Variants in MARK1 observed in about 807,000 individuals in gnomAD.
The protein encoded by MARK1 is microtubule affinity regulating kinase 1.
A neutral mutation model predicts 96.3 loss-of-function variants in MARK1; 40 were observed. The ratio of observed to expected loss-of-function variants is 0.42; its 90% CI spans 0.32 to 0.54. MARK1 has a LOEUF of 0.54. Ranked by LOEUF, MARK1 falls within the 20% of genes least tolerant of loss-of-function variation. The probability of loss-of-function intolerance (pLI) is 0.16; values close to 1 mark genes in which losing one functional copy is unlikely to be tolerated. For missense variants in MARK1, 719 were observed against 984.6 expected, an observed-to-expected ratio of 0.73 and a Z score of 3.61; for synonymous variants, 317 against 341.2, an observed-to-expected ratio of 0.93 and a Z score of 0.78.
chr1:220,606,445 T>A (rs958080983), intron 6 of MARK1, among the ~76,000 whole-genome samples: 3 of 152,216 alleles, frequency 2.0e-5, no homozygotes, highest in Non-Finnish European at 2.9e-5. Context: ...GATGGGTAGA[T>A]TGCAAAACTT....
intron 10 of MARK1, among the ~76,000 whole-genome samples, chr1:220,631,372 A>G (rs1463206692): frequency 1.3e-5 from 2 of 152,252 alleles, no homozygotes; most frequent in African/African-American, 2.4e-5. Flanking sequence ...CCTAATGTAA[A>G]TAAATCGAAT....
chr1:220,583,296 T>C (rs1664370979), intron 3 of MARK1, among the ~76,000 whole-genome samples: 1 of 152,218 alleles, frequency 6.6e-6, no homozygotes, highest in East Asian at 1.9e-4. Context: ...TATCCTCTTC[T>C]GTGTATCAGA....
At chr1:220,597,417 T>C (rs1665444366) in intron 3 of MARK1, among the ~76,000 whole-genome samples, 1 of 152,190 alleles carries the variant, frequency 6.6e-6, no homozygotes, top group Admixed American at 6.5e-5. Flanking sequence ...TGTTTTTTGA[T>C]AGCAGTCATC....
chr1:220,633,472 T>C (rs1667782614), intron 11 of MARK1, among the ~76,000 whole-genome samples: 1 of 152,164 alleles, frequency 6.6e-6, no homozygotes, highest in Non-Finnish European at 1.5e-5. Flanking sequence ...TATTGAACCT[T>C]TATTGTACCA....
intron 16 of MARK1, among the ~76,000 whole-genome samples, chr1:220,655,693 G>T (rs1457195274): frequency 6.6e-6 from 1 of 152,044 alleles, no homozygotes; most frequent in Non-Finnish European, 1.5e-5. Context: ...TTCCTCATAG[G>T]TCTCCTAGTT....
intron 1 of MARK1, among the ~76,000 whole-genome samples, chr1:220,542,694 G>C (rs1359653974): frequency 6.6e-6 from 1 of 152,094 alleles, no homozygotes; most frequent in East Asian, 1.9e-4. Context: ...GCTGTTGTTT[G>C]TTGATTTGTT....
chr1:220,533,370 C>CT (rs143742518), intron 1 of MARK1, among the ~76,000 whole-genome samples: 8,458 of 149,286 alleles, frequency 0.057, 695 homozygotes, highest in African/African-American at 0.19. Flanking sequence ...ATTATTACGT[C>CT]TTTTTTTTTT....
intron 1 of MARK1, among the ~76,000 whole-genome samples, chr1:220,558,466 C>T (rs1662441486): frequency 6.6e-6 from 1 of 151,410 alleles, no homozygotes; most frequent in South Asian, 2.1e-4. Context: ...TGTGTAAAAA[C>T]TAGTAAAACA....
chr1:220,630,442 T>C (rs1166899825), intron 9 of MARK1, among the ~76,000 whole-genome samples: 1 of 152,138 alleles, frequency 6.6e-6, no homozygotes, highest in African/African-American at 2.4e-5. Context: ...CTGTCTGTTA[T>C]TTCACAGCCT....
At chr1:220,541,731 CTT>C (rs571170480) in intron 1 of MARK1, among the ~76,000 whole-genome samples, 9 of 152,174 alleles carry the variant, frequency 5.9e-5, no homozygotes, top group Non-Finnish European at 1.3e-4. Context: ...CCTCTGCTCT[CTT>C]TTGGTTATTT....
chr1:220,636,827 C>G (rs1034903170), intron 13 of MARK1, among the ~76,000 whole-genome samples: 2 of 151,404 alleles, frequency 1.3e-5, no homozygotes. Context: ...AGCTTGAACC[C>G]GGGAGGTGGA....
At position 220,528,795 on chromosome 1, in the gene MARK1, C is replaced by A. The variant is rs1384185996; in HGVS notation, c.-28C>A. 3.2e-6 allele frequency: 5 copies of A among 1,546,136 alleles called. No homozygotes were observed. The highest frequency in any genetic ancestry group is 2.6e-6 in the Non-Finnish European group (3 of 1,144,868). ...CGCACCACAGCCCGGCCGGCGAGAC[C>A]CCGGCCAGACCCCGCTGCCCGCACA... On this transcript the variant is annotated 5_prime_UTR_variant, in exon 1 of 18. Transcript: ENST00000366917.
At chr1:220,590,838 CT>C (rs1312909780) in intron 3 of MARK1, among the ~76,000 whole-genome samples, 8 of 152,146 alleles carry the variant, frequency 5.3e-5, no homozygotes, top group African/African-American at 1.9e-4. Flanking sequence ...TTTCTCTCTC[CT>C]TGTCCAAAGC....
chr1:220,602,414 C>G (rs535858102), intron 5 of MARK1, among the ~76,000 whole-genome samples: 1 of 152,136 alleles, frequency 6.6e-6, no homozygotes, highest in East Asian at 1.9e-4. Flanking sequence ...AGACAAAGTC[C>G]CTACCCTCAA....
At chr1:220,661,355 A>C (rs1287820964) in intron 17 of MARK1, among the ~76,000 whole-genome samples, 1 of 152,198 alleles carries the variant, frequency 6.6e-6, no homozygotes, top group South Asian at 2.1e-4. Flanking sequence ...TCTCAACCTT[A>C]CCAGGTAAAC....
chr1:220,661,143 G>GTTCAAATTTAC (rs1468573026), intron 17 of MARK1, among the ~76,000 whole-genome samples: 4 of 152,214 alleles, frequency 2.6e-5, no homozygotes, highest in African/African-American at 9.7e-5. Flanking sequence ...GAGCAGCATG[G>GTTCAAATTTAC]AGGCCATTGT....
chr1:220,628,154 A>T (rs554663095), intron 9 of MARK1: 1 of 152,062 alleles, frequency 6.6e-6, no homozygotes, highest in African/African-American at 2.4e-5. Flanking sequence ...TCTGGTGACT[A>T]CCTTCCTTCT....
At chr1:220,629,426 G>A (rs532385006) in intron 9 of MARK1, among the ~76,000 whole-genome samples, 2 of 149,718 alleles carry the variant, frequency 1.3e-5, no homozygotes, top group South Asian at 2.1e-4. Flanking sequence ...ACTTCTAAGT[G>A]TGTATCACAG....
At position 220,653,128 on chromosome 1, in the gene MARK1, CCCATCTGCTCACAGTATTAG is replaced by C. The variant is rs754211632; in HGVS notation, c.1765_1784del (p.Pro589TyrfsTer22). ...CAACCCAGAGAGTGCCTGCTGCTTC[CCCATCTGCTCACAGTATTAG>C]TACTGCGACTCCAGACCGGACCCGT... On this transcript the variant is annotated frameshift_variant, in exon 16 of 18. Transcript: ENST00000366917. LOFTEE classifies it high-confidence loss of function. 1 of 1,614,192 alleles carries C rather than the reference CCCATCTGCTCACAGTATTAG, an allele frequency of 6.2e-7. No individual in the cohort carries two copies. Among genetic ancestry groups the C allele is most frequent in the Non-Finnish European group, 8.5e-7 (1 of 1,180,032 alleles).
Sources: allele counts gnomAD v4.1 joint callset (sites outside exome capture counted in the v4.1 genomes callset), GRCh38; gene constraint gnomAD v4.1.1; transcripts MANE v1.5; gene names NCBI Gene and HGNC (gene_info 2026-07-23, HGNC 2026-07-21).